Variants in CALN1 observed in about 807,000 individuals in gnomAD.
The protein encoded by CALN1 is calneuron 1, also known as calcium-binding protein 8.
CALN1 carries 17 observed loss-of-function variants against 30.6 expected under a neutral mutation model. That is an observed-to-expected ratio of 0.56 (90% CI 0.38 to 0.83). The LOEUF (loss-of-function observed/expected upper bound fraction) is 0.83, where lower values mean the gene tolerates loss of function less well. Ranked by LOEUF, CALN1 falls within the 40% of genes least tolerant of loss-of-function variation. CALN1 has a pLI of 0.00. For synonymous variants in CALN1, 156 were observed against 131.4 expected, an observed-to-expected ratio of 1.19 and a Z score of -1.28; for missense variants, 291 against 354.9, an observed-to-expected ratio of 0.82 and a Z score of 1.45.
chr7:71,896,735 C>T (rs1793552260), intron 5 of CALN1, among the ~76,000 whole-genome samples: 1 of 152,160 alleles, frequency 6.6e-6, no homozygotes, highest in African/African-American at 2.4e-5. Context: ...CAAAGCTGGG[C>T]ACACGTCTTT....
At chr7:72,302,639 A>C (rs998821419) in intron 2 of CALN1, among the ~76,000 whole-genome samples, 2 of 152,084 alleles carry the variant, frequency 1.3e-5, no homozygotes, top group African/African-American at 4.8e-5. Flanking sequence ...CACACCTGTA[A>C]TCCCAGCACT....
intron 3 of CALN1, among the ~76,000 whole-genome samples, chr7:72,130,033 G>C (rs1809030905): frequency 6.6e-6 from 1 of 152,048 alleles, no homozygotes; most frequent in Non-Finnish European, 1.5e-5. Context: ...TCAACAGCTG[G>C]TTGTTAAAAA....
In CALN1 at chr7:72,082,337, A is replaced by G. The variant is rs1406429722; in HGVS notation, c.388+23814T>C. On this transcript the variant is annotated intron_variant, in intron 4 of 6. Coordinates refer to ENST00000395275, the MANE Select transcript of CALN1 (RefSeq NM_031468.4). Reference sequence around the variant, plus strand: ...ACAGAGTCACATTCCAAAATGCCGCAGCGGAACAGCATGCTGTACCCACCA... The same window carrying G: ...ACAGAGTCACATTCCAAAATGCCGCGGCGGAACAGCATGCTGTACCCACCA... Among the ~76,000 whole-genome samples, 5 of 152,324 alleles carry G rather than the reference A, an allele frequency of 3.3e-5. No homozygotes were observed. The East Asian group carries it at 9.6e-4, about 29-fold the overall frequency.
chr7:72,360,351 G>A (rs1303267503), intron 2 of CALN1, among the ~76,000 whole-genome samples: 1 of 152,008 alleles, frequency 6.6e-6, no homozygotes, highest in Admixed American at 6.5e-5. Context: ...GTAGAGAAAA[G>A]GAAAAGAAGA....
intron 3 of CALN1, among the ~76,000 whole-genome samples, chr7:72,202,669 A>T (rs1223450088): frequency 6.6e-6 from 1 of 152,188 alleles, no homozygotes; most frequent in Non-Finnish European, 1.5e-5. Context: ...GACTTTGAAA[A>T]CACACTTGTG....
chr7:72,486,767 A>G, the CALN1 span, among the ~76,000 whole-genome samples: 1 of 152,164 alleles, frequency 6.6e-6, no homozygotes, highest in Non-Finnish European at 1.5e-5. Flanking sequence ...ATTTTTTATT[A>G]AAGTCATTTA....
At chr7:72,316,316 C>G (rs1336291770) in intron 2 of CALN1, among the ~76,000 whole-genome samples, 2 of 147,842 alleles carry the variant, frequency 1.4e-5, no homozygotes, top group East Asian at 2.2e-4. Context: ...TAGGGTGGTG[C>G]AAAAGTAATT....
At position 72,389,556 on chromosome 7, in the gene CALN1, TAAG is replaced by T. The variant is rs534970317; in HGVS notation, c.119+13692_119+13694del. On this transcript the variant is annotated intron_variant, in intron 2 of 6. Transcript: ENST00000395275. Reference sequence around the variant, plus strand: ...ATGGTTTTAAAGTGTAACGTCTCCTTAAGAAGTCAAATGACTGTTGTTATCTTG... The same window carrying T: ...ATGGTTTTAAAGTGTAACGTCTCCTTAAGTCAAATGACTGTTGTTATCTTG... Among the ~76,000 whole-genome samples the T allele has an allele frequency of 5.9e-5, 9 of 152,304 alleles. No homozygotes were observed. The South Asian group carries it at 8.3e-4, about 14-fold the overall frequency.
chr7:72,364,513 G>C (rs563195973), intron 2 of CALN1, among the ~76,000 whole-genome samples: 45 of 152,290 alleles, frequency 3.0e-4, no homozygotes, highest in African/African-American at 9.4e-4. Flanking sequence ...AAGGAGTTTT[G>C]TGTCTCTCTC....
intron 3 of CALN1, among the ~76,000 whole-genome samples, chr7:72,223,141 A>G (rs1394801401): frequency 1.3e-5 from 2 of 152,198 alleles, no homozygotes; most frequent in African/African-American, 4.8e-5. Context: ...AAACATAATC[A>G]GAATGATGGG....
intron 5 of CALN1, among the ~76,000 whole-genome samples, chr7:72,020,347 C>T (rs528070893): frequency 3.5e-4 from 53 of 152,222 alleles, no homozygotes; most frequent in African/African-American, 1.2e-3. Context: ...TATATGTGCA[C>T]ACACACACAT....
At chr7:72,389,739 G>T (rs1477675308) in intron 2 of CALN1, among the ~76,000 whole-genome samples, 1 of 152,108 alleles carries the variant, frequency 6.6e-6, no homozygotes, top group Admixed American at 6.5e-5. Flanking sequence ...GGCCAACATG[G>T]TGAAACCCTG....
intron 1 of CALN1, among the ~76,000 whole-genome samples, chr7:72,409,411 T>TC (rs976582709): frequency 2.1e-5 from 3 of 144,182 alleles, no homozygotes; most frequent in South Asian, 2.5e-4. Context: ...TCCACATACC[T>TC]CCCTTCCTCA....
chr7:72,470,875 T>C, the CALN1 span, among the ~76,000 whole-genome samples: 3 of 152,074 alleles, frequency 2.0e-5, no homozygotes, highest in African/African-American at 7.2e-5. Context: ...CCGACATAGG[T>C]TGGGTGGTCA....
intron 3 of CALN1, among the ~76,000 whole-genome samples, chr7:72,147,892 G>T (rs1343242592): frequency 1.4e-5 from 2 of 143,128 alleles, no homozygotes; most frequent in Non-Finnish European, 3.0e-5. Context: ...GGTGGGAATT[G>T]AACATTGACA....
intron 4 of CALN1, among the ~76,000 whole-genome samples, chr7:72,038,793 G>A (rs1177489879): frequency 2.6e-5 from 4 of 152,134 alleles, no homozygotes; most frequent in Admixed American, 1.3e-4. Flanking sequence ...CAAATGTCAT[G>A]GCAACATCAA....
chr7:71,790,364 AAAGAAAAGAAAGAAAG>A (rs1275850964), intron 6 of CALN1, among the ~76,000 whole-genome samples: 34 of 86,532 alleles, frequency 3.9e-4, no homozygotes, highest in South Asian at 1.7e-3. Context: ...AGAAAGAAAG[AAAGAAAAGAAAGAAAG>A]AAAGAAAGAA....
intron 2 of CALN1, among the ~76,000 whole-genome samples, chr7:72,292,660 A>G (rs1241048906): frequency 6.6e-6 from 1 of 151,124 alleles, no homozygotes; most frequent in Non-Finnish European, 1.5e-5. Flanking sequence ...GTCTCTACTA[A>G]AAATATAAAA....
At chr7:71,886,333 C>T (rs1045583292) in intron 5 of CALN1, among the ~76,000 whole-genome samples, 4 of 152,254 alleles carry the variant, frequency 2.6e-5, no homozygotes, top group Admixed American at 2.0e-4. Context: ...AAGGGATTTT[C>T]GGCAGATCCT....
Sources: allele counts gnomAD v4.1 joint callset (sites outside exome capture counted in the v4.1 genomes callset), GRCh38; gene constraint gnomAD v4.1.1; transcripts MANE v1.5; gene names NCBI Gene and HGNC (gene_info 2026-07-23, HGNC 2026-07-21).